TEAD1: variants seen among roughly 807,000 people sequenced by gnomAD.
The protein encoded by TEAD1 is transcriptional enhancer factor TEF-1.
TEAD1 carries 9 observed loss-of-function variants against 54.9 expected under a neutral mutation model. The ratio of observed to expected loss-of-function variants is 0.16; its 90% CI spans 0.10 to 0.29. The LOEUF (loss-of-function observed/expected upper bound fraction) is 0.29. Among genes scored for constraint, TEAD1 ranks in the 10% least tolerant of loss-of-function variants. TEAD1 has a pLI of 1.00. For synonymous variants in TEAD1, 200 were observed against 187.8 expected, an observed-to-expected ratio of 1.07 and a Z score of -0.53; for missense variants, 387 against 535.9, an observed-to-expected ratio of 0.72 and a Z score of 2.74.
chr11:12,713,869 G>A (rs1943996993), intron 2 of TEAD1, among the ~76,000 whole-genome samples: 2 of 152,244 alleles, frequency 1.3e-5, no homozygotes, highest in Middle Eastern at 3.4e-3. Flanking sequence ...CCATACTAAT[G>A]TCCCAATATA....
At chr11:12,772,440 G>A (rs1945330545) in intron 3 of TEAD1, among the ~76,000 whole-genome samples, 1 of 152,168 alleles carries the variant, frequency 6.6e-6, no homozygotes, top group African/African-American at 2.4e-5. Context: ...AGGAGGATGG[G>A]GGGAGGGCCG....
At chr11:12,756,766 T>C (rs899078811) in intron 2 of TEAD1, among the ~76,000 whole-genome samples, 1 of 152,204 alleles carries the variant, frequency 6.6e-6, no homozygotes, top group African/African-American at 2.4e-5. Context: ...TATAGGACTT[T>C]GGACAACTTA....
At chr11:12,695,971 A>C (rs1239838986) in intron 2 of TEAD1, among the ~76,000 whole-genome samples, 1 of 152,140 alleles carries the variant, frequency 6.6e-6, no homozygotes, top group African/African-American at 2.4e-5. Flanking sequence ...AAAAAGGAGG[A>C]ACCAGAAATA....
chr11:12,712,290 C>T (rs1159676966), intron 2 of TEAD1, among the ~76,000 whole-genome samples: 1 of 152,184 alleles, frequency 6.6e-6, no homozygotes, highest in Non-Finnish European at 1.5e-5. Context: ...AAGGGACTCT[C>T]AGTTTTCTTC....
At chr11:12,838,966 C>T (rs1370247623) in intron 3 of TEAD1, among the ~76,000 whole-genome samples, 9 of 152,180 alleles carry the variant, frequency 5.9e-5, no homozygotes, top group African/African-American at 2.2e-4. Context: ...ACTGGGGAAA[C>T]AGACTTATAA....
At chr11:12,677,039 A>G (rs1943108704) in intron 2 of TEAD1, among the ~76,000 whole-genome samples, 1 of 152,172 alleles carries the variant, frequency 6.6e-6, no homozygotes, top group African/African-American at 2.4e-5. Context: ...TTGCTTTGAC[A>G]ATATGGGTAA....
intron 3 of TEAD1, among the ~76,000 whole-genome samples, chr11:12,850,137 T>A (rs1947242560): frequency 1.3e-5 from 2 of 152,274 alleles, no homozygotes; most frequent in East Asian, 3.9e-4. Flanking sequence ...TGACATTACA[T>A]TACAGTTAAA....
intron 3 of TEAD1, among the ~76,000 whole-genome samples, chr11:12,792,295 G>C (rs1229608804): frequency 6.6e-6 from 1 of 150,808 alleles, no homozygotes; most frequent in Non-Finnish European, 1.5e-5. Flanking sequence ...AAATGCTTGG[G>C]GGTGAGAAGG....
At chr11:12,803,034 A>G (rs6486059) in intron 3 of TEAD1, among the ~76,000 whole-genome samples, 82,052 of 151,698 alleles carry the variant, frequency 0.54, 23,373 homozygotes, top group East Asian at 0.78. Context: ...ACTTCTCTCT[A>G]CCCAGCCCAA....
intron 2 of TEAD1, among the ~76,000 whole-genome samples, chr11:12,689,022 T>TTG (rs370854527): frequency 2.5e-3 from 377 of 152,182 alleles, no homozygotes; most frequent in African/African-American, 8.6e-3. Flanking sequence ...TGTTTTTTTT[T>TTG]TTGTTGTTGT....
chr11:12,818,677 A>T (rs530118816), intron 3 of TEAD1, among the ~76,000 whole-genome samples: 1 of 152,164 alleles, frequency 6.6e-6, no homozygotes, highest in South Asian at 2.1e-4. Flanking sequence ...TTCAATATCA[A>T]TGGGTTTCTC....
At chr11:12,814,865 G>A (rs967360291) in intron 3 of TEAD1, among the ~76,000 whole-genome samples, 13 of 151,744 alleles carry the variant, frequency 8.6e-5, no homozygotes, top group Non-Finnish European at 1.6e-4. Flanking sequence ...AGCTGTGTGT[G>A]TGTGTCTGTG....
At chr11:12,700,616 G>A (rs1943680230) in intron 2 of TEAD1, among the ~76,000 whole-genome samples, 1 of 152,084 alleles carries the variant, frequency 6.6e-6, no homozygotes, top group African/African-American at 2.4e-5. Context: ...TTCTATGATA[G>A]GAGGATTTCT....
chr11:12,687,548 A>T (rs1361874003), intron 2 of TEAD1, among the ~76,000 whole-genome samples: 1 of 152,268 alleles, frequency 6.6e-6, no homozygotes, highest in East Asian at 1.9e-4. Context: ...AAAGGACTGC[A>T]CATCAAGTCA....
chr11:12,751,488 G>A (rs1944869223), intron 2 of TEAD1, among the ~76,000 whole-genome samples: 1 of 152,134 alleles, frequency 6.6e-6, no homozygotes, highest in Admixed American at 6.5e-5. Flanking sequence ...TCCCAGTGGA[G>A]GGGCTTGAAG....
intron 3 of TEAD1, among the ~76,000 whole-genome samples, chr11:12,858,633 C>T (rs1437094785): frequency 6.6e-6 from 1 of 152,112 alleles, no homozygotes; most frequent in Non-Finnish European, 1.5e-5. Flanking sequence ...TGGCTTGAAA[C>T]ATAGATGAAA....
intron 3 of TEAD1, among the ~76,000 whole-genome samples, chr11:12,800,391 A>C (rs1946029526): frequency 6.6e-6 from 1 of 152,234 alleles, no homozygotes; most frequent in African/African-American, 2.4e-5. Context: ...TGTGCCAGGT[A>C]CTGTGGTAGG....
At chr11:12,678,661 T>TG (rs1943149329) in intron 2 of TEAD1, among the ~76,000 whole-genome samples, 1 of 152,230 alleles carries the variant, frequency 6.6e-6, no homozygotes, top group South Asian at 2.1e-4. Flanking sequence ...AGGGAAGTTC[T>TG]GGGGCTTCCC....
intron 2 of TEAD1, among the ~76,000 whole-genome samples, chr11:12,709,397 C>CT (rs1417934707): frequency 6.6e-6 from 1 of 151,342 alleles, no homozygotes; most frequent in Non-Finnish European, 1.5e-5. Context: ...AGTTTTGTTT[C>CT]TTTTTTTGAA....
Sources: gnomAD v4.1 joint callset for allele counts (sites outside exome capture counted in the v4.1 genomes callset) on GRCh38, gnomAD v4.1.1 for gene constraint, MANE v1.5 for transcripts, NCBI Gene and HGNC (gene_info 2026-07-23, HGNC 2026-07-21) for gene names.